Variants in ADK observed in about 807,000 individuals in gnomAD.
ADK encodes the protein N6,N6-dimethyladenosine kinase.
In ADK, 24 loss-of-function variants were observed where a neutral mutation model predicts 44.7. The ratio of observed to expected loss-of-function variants is 0.54; its 90% CI spans 0.39 to 0.76. ADK has a LOEUF of 0.76. ADK is among the 30% of genes least tolerant of loss of function. The pLI is 0.00. For missense variants in ADK, 321 were observed against 425.1 expected, an observed-to-expected ratio of 0.76 and a Z score of 2.15; for synonymous variants, 128 against 142.6, an observed-to-expected ratio of 0.90 and a Z score of 0.73.
intron 9 of ADK, among the ~76,000 whole-genome samples, chr10:74,651,577 T>TA (rs564978936): frequency 3.7e-4 from 57 of 152,334 alleles, no homozygotes; most frequent in Non-Finnish European, 7.2e-4. Context: ...TCTTTTTTTT[T>TA]ATCACTGTTG....
At chr10:74,458,536 G>A (rs1455291771) in intron 6 of ADK, among the ~76,000 whole-genome samples, 2 of 151,910 alleles carry the variant, frequency 1.3e-5, no homozygotes, top group Non-Finnish European at 2.9e-5. Context: ...TTATCTCTCC[G>A]TTTTGTCATT....
chr10:74,525,465 TTTTG>T (rs147013045), intron 7 of ADK, 39 bp downstream of exon 7: 84,332 of 1,541,658 alleles, frequency 0.055, 2,969 homozygotes, highest in Middle Eastern at 0.086. Flanking sequence ...CCTGGGGGTT[TTTTG>T]TTTGTTTATT....
chr10:74,311,627 G>T (rs189939997), intron 3 of ADK, among the ~76,000 whole-genome samples: 59 of 151,994 alleles, frequency 3.9e-4, no homozygotes, highest in African/African-American at 1.4e-3. Flanking sequence ...TTAGAAACTT[G>T]GCTGGAAAAA....
rs188604325 is a variant in ADK, at chr10:74,432,907, G to A, written c.555+34328G>A. ...AGATAAACTGATGTCTAAATATTTA[G>A]GTATTTGTCTATTCTGGAACCTTTT... On this transcript the variant is annotated intron_variant, in intron 6 of 10. Transcript: ENST00000539909. Among the ~76,000 whole-genome samples, 7 of 152,168 alleles carry A rather than the reference G, an allele frequency of 4.6e-5. No homozygotes were observed. The East Asian group carries it at 1.2e-3, about 25-fold the overall frequency.
intron 6 of ADK, among the ~76,000 whole-genome samples, chr10:74,521,045 GA>G (rs961921438): frequency 2.6e-5 from 4 of 151,788 alleles, no homozygotes; most frequent in Non-Finnish European, 4.4e-5. Context: ...CTTACATGTA[GA>G]AAAAAAATTT....
At chr10:74,170,877 G>T (rs915122056) in intron 1 of ADK, among the ~76,000 whole-genome samples, 4 of 150,830 alleles carry the variant, frequency 2.7e-5, no homozygotes, top group African/African-American at 9.7e-5. Context: ...ACCAGTATTA[G>T]AAAATTAATG....
intron 3 of ADK, among the ~76,000 whole-genome samples, chr10:74,302,105 GTTTGTTTT>G (rs1840066128): frequency 1.8e-4 from 16 of 88,912 alleles, no homozygotes; most frequent in South Asian, 4.0e-4. Context: ...TTTTTTGTTT[GTTTGTTTT>G]TTTTTTTTTT....
At chr10:74,208,581 A>T (rs569385624) in intron 2 of ADK, among the ~76,000 whole-genome samples, 1 of 152,216 alleles carries the variant, frequency 6.6e-6, no homozygotes, top group Non-Finnish European at 1.5e-5. Context: ...ACAATAAAAG[A>T]GTCTTCTCTA....
intron 2 of ADK, among the ~76,000 whole-genome samples, chr10:74,216,379 C>G (rs1459692595): frequency 6.6e-6 from 1 of 151,886 alleles, no homozygotes; most frequent in African/African-American, 2.4e-5. Flanking sequence ...TTCTCCTTCT[C>G]TGCCTTCAAA....
chr10:74,301,717 G>A (rs1403568944), intron 3 of ADK, among the ~76,000 whole-genome samples: 3 of 151,756 alleles, frequency 2.0e-5, no homozygotes, highest in African/African-American at 7.3e-5. Flanking sequence ...TACCCATAGA[G>A]CCCAAACTAT....
intron 1 of ADK, among the ~76,000 whole-genome samples, chr10:74,188,835 C>T (rs762918865): frequency 2.0e-5 from 3 of 152,058 alleles, no homozygotes; most frequent in Non-Finnish European, 2.9e-5. Flanking sequence ...TGCAGTGGTA[C>T]GATCTTCGTT....
intron 6 of ADK, among the ~76,000 whole-genome samples, chr10:74,498,991 G>A (rs1409048886): frequency 6.6e-6 from 1 of 152,166 alleles, no homozygotes; most frequent in Non-Finnish European, 1.5e-5. Context: ...TGGACTATCA[G>A]AAAAACTGTT....
chr10:74,636,040 G>A lies in ADK; in HGVS notation c.878-34143G>A, dbSNP rs555670680. Among the ~76,000 whole-genome samples the A allele has an allele frequency of 7.9e-5, 12 of 151,852 alleles. No individual in the cohort carries two copies. The South Asian group carries it at 1.0e-3, about 13-fold the overall frequency. ...GAGTTCAAGGCAGCAACAGTCAGCCGTGATCACACCATTACACTCCAGCCT... is the reference window on the plus strand; with the variant it reads ...GAGTTCAAGGCAGCAACAGTCAGCCATGATCACACCATTACACTCCAGCCT... On this transcript the variant is annotated intron_variant, in intron 9 of 10. Transcript: ENST00000539909.
chr10:74,645,270 C>T (rs1854014343), intron 9 of ADK, among the ~76,000 whole-genome samples: 1 of 152,072 alleles, frequency 6.6e-6, no homozygotes, highest in Admixed American at 6.6e-5. Context: ...CTTCTCTGTT[C>T]AGTATATTTT....
intron 9 of ADK, among the ~76,000 whole-genome samples, chr10:74,628,612 T>C (rs1202059899): frequency 3.3e-5 from 5 of 152,026 alleles, no homozygotes; most frequent in African/African-American, 1.2e-4. Context: ...TTTGGAGCAC[T>C]AATCTAACTC....
intron 1 of ADK, among the ~76,000 whole-genome samples, chr10:74,178,564 C>G (rs1030857153): frequency 1.3e-5 from 2 of 152,080 alleles, no homozygotes; most frequent in Non-Finnish European, 2.9e-5. Flanking sequence ...TCTTCCTGAC[C>G]GTGCCTCATT....
intron 2 of ADK, among the ~76,000 whole-genome samples, chr10:74,207,341 T>G (rs949174764): frequency 2.6e-5 from 4 of 152,318 alleles, no homozygotes; most frequent in Non-Finnish European, 5.9e-5. Flanking sequence ...TCTTGTTGCC[T>G]GCAAGGTGCT....
chr10:74,575,787 G>A (rs969460174), intron 7 of ADK, among the ~76,000 whole-genome samples: 1 of 152,120 alleles, frequency 6.6e-6, no homozygotes, highest in African/African-American at 2.4e-5. Context: ...TTGATATTTA[G>A]GAGGATGAAT....
chr10:74,489,974 A>C (rs1354410811), intron 6 of ADK, among the ~76,000 whole-genome samples: 1 of 151,972 alleles, frequency 6.6e-6, no homozygotes, highest in Non-Finnish European at 1.5e-5. Context: ...GATTTTTTAA[A>C]AATCACAAAT....
Sources: allele counts gnomAD v4.1 joint callset (sites outside exome capture counted in the v4.1 genomes callset), GRCh38; gene constraint gnomAD v4.1.1; transcripts MANE v1.5; gene names NCBI Gene and HGNC (gene_info 2026-07-23, HGNC 2026-07-21).